FGF12: variants seen among roughly 807,000 people sequenced by gnomAD.
FGF12 encodes fibroblast growth factor 12B.
In FGF12, 14 loss-of-function variants were observed where a neutral mutation model predicts 23.6. That is an observed-to-expected ratio of 0.59 (90% CI 0.39 to 0.93). The LOEUF (loss-of-function observed/expected upper bound fraction) is 0.93, where lower values mean the gene tolerates loss of function less well. Ranked by LOEUF, FGF12 falls within the 40% of genes least tolerant of loss-of-function variation. The pLI, the probability that FGF12 is intolerant of heterozygous loss-of-function variation, is 0.00. For missense variants in FGF12, 175 were observed against 217.8 expected (o/e 0.80, Z 1.24); for synonymous variants, 62 against 77.3 (o/e 0.80, Z 1.04).
chr3:192,516,033 A>G (rs1209337491), intron 2 of FGF12, among the ~76,000 whole-genome samples: 1 of 152,102 alleles, frequency 6.6e-6, no homozygotes, highest in East Asian at 1.9e-4. Context: ...TCAAATTCCT[A>G]CTAGGTGTGT....
chr3:192,449,933 GA>G (rs149971998), intron 2 of FGF12, among the ~76,000 whole-genome samples: 3,985 of 152,180 alleles, frequency 0.026, 137 homozygotes, highest in African/African-American at 0.083. Flanking sequence ...GCATCCTATA[GA>G]ATTCTTTGTA....
chr3:192,653,915 G>C (rs1044423995), intron 2 of FGF12, among the ~76,000 whole-genome samples: 4 of 151,976 alleles, frequency 2.6e-5, no homozygotes, highest in Non-Finnish European at 5.9e-5. Flanking sequence ...CAGTAGAGAC[G>C]GGGTTTCACC....
chr3:192,601,389 T>C (rs1427568682), intron 2 of FGF12, among the ~76,000 whole-genome samples: 1 of 152,056 alleles, frequency 6.6e-6, no homozygotes, highest in Non-Finnish European at 1.5e-5. Flanking sequence ...TGTAGTGTGA[T>C]TATAGTTAAT....
At chr3:192,312,919 A>G (rs1404575759) in intron 4 of FGF12, among the ~76,000 whole-genome samples, 1 of 152,178 alleles carries the variant, frequency 6.6e-6, no homozygotes, top group Non-Finnish European at 1.5e-5. Flanking sequence ...GGTACATGAT[A>G]AGTAAAAATA....
rs183119274 is a variant in FGF12 at position 192,292,743 on chromosome 3, A to T, written c.228+42618T>A. On this transcript the variant is annotated intron_variant, in intron 4 of 5. Transcript: ENST00000445105. ...TCTGAAACAACAAACAACACACTTC[A>T]ATACAAACATACCAGTTGAACAAGG... 2.0e-5 allele frequency among the ~76,000 whole-genome samples: 3 copies of T among 152,206 alleles called. No individual in the cohort carries two copies. The East Asian group carries it at 5.8e-4, about 29-fold the overall frequency.
chr3:192,479,261 C>G (rs1461003378), intron 2 of FGF12, among the ~76,000 whole-genome samples: 1 of 152,106 alleles, frequency 6.6e-6, no homozygotes, highest in Non-Finnish European at 1.5e-5. Flanking sequence ...AGTCTAACAC[C>G]ATCATCCTTT....
intron 2 of FGF12, among the ~76,000 whole-genome samples, chr3:192,438,141 AT>A (rs1430162394): frequency 2.0e-5 from 3 of 152,120 alleles, no homozygotes; most frequent in African/African-American, 7.2e-5. Flanking sequence ...GATTTTACTC[AT>A]TTTCACCCGT....
intron 3 of FGF12, among the ~76,000 whole-genome samples, chr3:192,353,942 T>C (rs1577381422): frequency 6.6e-6 from 1 of 152,340 alleles, no homozygotes. Flanking sequence ...TGATAAGAAA[T>C]AGATTTCCTT....
chr3:192,454,986 A>G (rs1023103683), intron 2 of FGF12, among the ~76,000 whole-genome samples: 1 of 152,100 alleles, frequency 6.6e-6, no homozygotes, highest in African/African-American at 2.4e-5. Flanking sequence ...ATTAATTTCA[A>G]ATGGGGAGAA....
At chr3:192,234,361 GCT>G (rs1229905953) in intron 4 of FGF12, among the ~76,000 whole-genome samples, 2 of 151,976 alleles carry the variant, frequency 1.3e-5, no homozygotes, top group African/African-American at 2.4e-5. Context: ...CTATTGTTGA[GCT>G]ACTAATTGTT....
chr3:192,270,819 A>AAAGAAG (rs1713388886), intron 4 of FGF12, among the ~76,000 whole-genome samples: 2 of 112,990 alleles, frequency 1.8e-5, no homozygotes, highest in African/African-American at 3.4e-5. Context: ...AAGGAAGGAA[A>AAAGAAG]GAAGGAAGGA....
intron 2 of FGF12, among the ~76,000 whole-genome samples, chr3:192,375,063 G>A (rs551942842): frequency 6.6e-6 from 1 of 152,044 alleles, no homozygotes. Context: ...AGTACCTACT[G>A]CCCTTTGTGT....
intron 2 of FGF12, among the ~76,000 whole-genome samples, chr3:192,594,626 G>C (rs967780385): frequency 5.3e-5 from 8 of 151,720 alleles, no homozygotes; most frequent in Admixed American, 1.3e-4. Flanking sequence ...GATCAGATAA[G>C]GTCTGATCCT....
chr3:192,506,987 G>A (rs955711540), intron 2 of FGF12, among the ~76,000 whole-genome samples: 2 of 150,728 alleles, frequency 1.3e-5, no homozygotes. Flanking sequence ...CGCCTCCTGG[G>A]TTCACGCCAT....
At chr3:192,340,078 T>C (rs1717621418) in intron 3 of FGF12, among the ~76,000 whole-genome samples, 1 of 152,038 alleles carries the variant, frequency 6.6e-6, no homozygotes. Context: ...GTGCTTCTAG[T>C]AATTTGATCT....
At chr3:192,685,583 G>A (rs1717702320) in intron 2 of FGF12, among the ~76,000 whole-genome samples, 1 of 152,126 alleles carries the variant, frequency 6.6e-6, no homozygotes, top group Admixed American at 6.6e-5. Flanking sequence ...AGAGAGTAGT[G>A]GGGGCACATC....
chr3:192,645,297 A>C (rs1354055624), intron 2 of FGF12, among the ~76,000 whole-genome samples: 3 of 152,178 alleles, frequency 2.0e-5, no homozygotes, highest in African/African-American at 7.2e-5. Context: ...TCATAACAGC[A>C]CAACAGAGAG....
chr3:192,675,002 G>A (rs899811221), intron 2 of FGF12, among the ~76,000 whole-genome samples: 1 of 152,318 alleles, frequency 6.6e-6, no homozygotes, highest in African/African-American at 2.4e-5. Flanking sequence ...CTACCTGTGT[G>A]ATCATGGTTT....
chr3:192,297,585 A>T (rs180999953), intron 4 of FGF12, among the ~76,000 whole-genome samples: 1 of 152,278 alleles, frequency 6.6e-6, no homozygotes, highest in East Asian at 1.9e-4. Flanking sequence ...ACATAACAAT[A>T]CCACTTAGAA....
Sources: gnomAD v4.1 joint callset for allele counts (sites outside exome capture counted in the v4.1 genomes callset) on GRCh38, gnomAD v4.1.1 for gene constraint, MANE v1.5 for transcripts, NCBI Gene and HGNC (gene_info 2026-07-23, HGNC 2026-07-21) for gene names.